PPAN: variants seen among roughly 807,000 people sequenced by gnomAD.
PPAN encodes suppressor of SWI4 1 homolog.
PPAN carries 39 observed loss-of-function variants against 48.5 expected under a neutral mutation model. That is an observed-to-expected ratio of 0.80 (90% CI 0.62 to 1.05). PPAN has a LOEUF of 1.05. PPAN is among the 50% of genes least tolerant of loss of function. The pLI is 0.00. For synonymous variants in PPAN, 315 were observed against 268.6 expected, an observed-to-expected ratio of 1.17 and a Z score of -1.69; for missense variants, 736 against 661.7, an observed-to-expected ratio of 1.11 and a Z score of -1.23.
rs193016757 is a variant in PPAN at position 10,107,417 on chromosome 19, A to G, written c.190-88A>G. The stretch of plus-strand genomic sequence containing the variant: ...TTGTTGAAAGGGTCAGATGCAAGAC[A>G]GACCATAACAGGATCTGCACCGTCA... On this transcript the variant is annotated intron_variant, in intron 2 of 11. Transcript: ENST00000253107. The G allele has an allele frequency of 2.8e-6, 4 of 1,409,168 alleles. No homozygotes were observed. In the East Asian group the frequency reaches 7.1e-5, roughly 25 times the overall value. The allele number at this position is 1,409,168 out of a possible 1,614,324, so 87.3% of individuals were successfully genotyped here.
chr19:10,110,712 G>C lies in PPAN; in HGVS notation c.1047G>C (p.Glu349Asp). Residue 349 changes from glutamate to aspartate, a missense_variant, in exon 11 of 12, where the codon GAG becomes GAC. Physicochemically the swap from Glu to Asp is conservative, Grantham distance 45. Coordinates refer to ENST00000253107, the MANE Select transcript of PPAN (RefSeq NM_020230.7). The surrounding 1 kb of genome is among the most constrained non-coding windows in gnomAD (Gnocchi z 5.9). ...CCTCCTCCAGAAAGAAGAGCCTGGA[G>C]GGCATGAAGAAGGCACGGGTCGGGG... The part of the protein sequence containing the change: ...QREAHRKKSL[E>D]GMKKARVGGS... The C allele has an allele frequency of 6.2e-7, 1 of 1,613,890 alleles. No homozygotes were observed. Among genetic ancestry groups the C allele is most frequent in the Non-Finnish European group, 8.5e-7 (1 of 1,179,974 alleles).
At position 10,111,685 on chromosome 19, in the gene PPAN, T is replaced by C. The variant is rs2089082498; in HGVS notation, c.*520T>C. 4 of 1,613,200 alleles carry C rather than the reference T, an allele frequency of 2.5e-6. No individual in the cohort carries two copies. The highest frequency in any genetic ancestry group is 1.1e-5 in the South Asian group (1 of 91,026). On this transcript the variant is annotated 3_prime_UTR_variant, in exon 12 of 12. Coordinates refer to ENST00000253107, the MANE Select transcript of PPAN (RefSeq NM_020230.7). ...GTGACTGGGGGAGGGGCTGGGGAAC[T>C]GGGTAGCAGACACAGGCTGAGGATC...
rs368424664 is a variant in PPAN at position 10,110,454 on chromosome 19, G to A, written c.902-31G>A. On this transcript the variant is annotated intron_variant, in intron 9 of 11. Coordinates refer to ENST00000253107, the MANE Select transcript of PPAN (RefSeq NM_020230.7). The surrounding 1 kb of genome is among the most constrained non-coding windows in gnomAD (Gnocchi z 5.9). ...GGGTCATGGGTGTGGAGCTGCACCC[G>A]GATCTTGGTGACCCGCGTCTCTTGG... The A allele has an allele frequency of 4.5e-5, 72 of 1,612,450 alleles. No individual in the cohort carries two copies. In the African/African-American group the frequency reaches 6.8e-4, roughly 15 times the overall value.
intron 2 of PPAN, 77 bp from the exon 3 acceptor site, chr19:10,107,428 G>T (rs1328245281): frequency 1.3e-6 from 2 of 1,492,734 alleles, no homozygotes; most frequent in Non-Finnish European, 1.8e-6. Flanking sequence ...GACCATAACA[G>T]GATCTGCACC....
Position 10,107,522 on chromosome 19 carries a change from G to C in PPAN, c.207G>C (p.Ser69=). 6.2e-7 allele frequency: 1 copy of C among 1,613,894 alleles called. No homozygotes were observed. Among genetic ancestry groups the C allele is most frequent in the African/African-American group, 1.3e-5 (1 of 75,000 alleles). ...ASRLQVRKKN[S]LKDCVAVAGP... ...ATTTCCAGGTTCGTAAGAAGAACTC[G>C]CTGAAGGACTGCGTGGCAGTGGCTG... Residue 69 remains serine (S), a synonymous_variant, in exon 3 of 12, where the codon TCG becomes TCC. Transcript: ENST00000253107.
chr19:10,106,401 C>T lies in PPAN; in HGVS notation c.7C>T (p.Gln3Ter). ...TCGTGGAGGACACAGCAGCATGGGA[C>T]AGTCAGGGAGGGTAAGGCCCGGCAG... MG[Q>*]SGRSRHQKRA... Residue 3 changes from glutamine to a stop codon, truncating the protein, a stop_gained, in exon 1 of 12, where the codon CAG becomes TAG. Transcript: ENST00000253107. LOFTEE classifies it high-confidence loss of function. The T allele has an allele frequency of 6.5e-7, 1 of 1,549,716 alleles. No individual in the cohort carries two copies. The highest frequency in any genetic ancestry group is 1.2e-5 in the South Asian group (1 of 83,932).
intron 2 of PPAN, chr19:10,106,969 T>C (rs1045996443): frequency 1.6e-6 from 1 of 636,770 alleles, no homozygotes; most frequent in Non-Finnish European, 2.9e-6. Context: ...GGAGGATCAC[T>C]TGAGCCCAGG....
chr19:10,111,261 C>G lies in PPAN; in HGVS notation c.*96C>G. ...TCCTTTCATAAAGGAGTTGTGTCCC[C>G]AGCCCTTCCACTCCAGTAAAGAACT... On this transcript the variant is annotated 3_prime_UTR_variant, in exon 12 of 12. Transcript: ENST00000253107. The G allele has an allele frequency of 7.6e-7, 1 of 1,322,276 alleles. No homozygotes were observed. 81.9% of individuals were successfully genotyped at this position (1,322,276 alleles called of 1,614,324 possible).
Position 10,110,187 on chromosome 19 carries a change from C to T in PPAN, c.763C>T (p.Gln255Ter), listed in dbSNP as rs1219875261. ...DGDHNITELPQAVAGRGNMRA... is the reference protein window; with the variant it reads ...DGDHNITELP ...CGACCACAACATCACAGAGCTGCCT[C>T]AGGCTGTCGCTGGCCGTGGCAACAT... Residue 255 changes from glutamine (Q) to a stop codon, truncating the protein, a stop_gained, in exon 8 of 12, where the codon CAG (glutamine) becomes TAG (stop). Transcript: ENST00000253107. LOFTEE classifies it high-confidence loss of function. The surrounding 1 kb of genome is among the most constrained non-coding windows in gnomAD (Gnocchi z 5.9). 1.6e-5 allele frequency: 26 copies of T among 1,610,858 alleles called. No individual in the cohort carries two copies. Among genetic ancestry groups the T allele is most frequent in the East Asian group, 2.2e-5 (1 of 44,870 alleles).
chr19:10,111,550 G>C lies in PPAN; in HGVS notation c.*385G>C, dbSNP rs2089076974. On this transcript the variant is annotated 3_prime_UTR_variant, in exon 12 of 12. Transcript: ENST00000253107. ...AGCAGATGAGCTTGAACCTCAGGAG[G>C]GTTGTGGCACAATGAGGAAGGAAAC... is the stretch of plus-strand genomic sequence containing the variant. 1.3e-6 allele frequency: 1 copy of C among 750,406 alleles called. No individual in the cohort carries two copies. The highest frequency in any genetic ancestry group is 2.2e-6 in the Non-Finnish European group (1 of 444,680). The allele number at this position is 750,406 out of a possible 1,614,324, so 46.5% of individuals were successfully genotyped here.
At position 10,108,086 on chromosome 19, in the gene PPAN, C is replaced by A. The variant is rs1162410550; in HGVS notation, c.465C>A (p.Leu155=). ...SFGPHGMHVK[L]MATMFQNLFP... is the part of the protein sequence containing the mutation. ...GCCCCCATGGTATGCATGTGAAGCTCATGGCCACCATGTTCCAGAACCTGT... is the reference window on the plus strand; with the variant it reads ...GCCCCCATGGTATGCATGTGAAGCTAATGGCCACCATGTTCCAGAACCTGT... The change falls in exon 5 of 12, where the codon CTC becomes CTA. Residue 155 remains leucine, a synonymous_variant. Transcript: ENST00000253107. The A allele has an allele frequency of 6.2e-7, 1 of 1,613,880 alleles. No homozygotes were observed. The highest frequency in any genetic ancestry group is 1.1e-5 in the South Asian group (1 of 91,052).
rs773649266 is a variant in PPAN, at chr19:10,111,175, G to T, written c.*10G>T. 1.1e-5 allele frequency: 17 copies of T among 1,556,300 alleles called. No individual in the cohort carries two copies. In the East Asian group the frequency reaches 2.6e-4, roughly 24 times the overall value. ...GAAGAGAGTGGCCTGAGCCCAAGCC[G>T]CACCGGAGCAGCGGCTGGATTGAAC... On this transcript the variant is annotated 3_prime_UTR_variant, in exon 12 of 12. Transcript: ENST00000253107.
Position 10,111,622 on chromosome 19 carries a change from C to CTGGGGA in PPAN, c.*463_*468dup, listed in dbSNP as rs1599315452. ...CCTGCTCTGCTGGCTGGGCCAGTAA[C>CTGGGGA]TGGGGATGGGGCTGGGGCAGGGCCC... On this transcript the variant is annotated 3_prime_UTR_variant, in exon 12 of 12. Transcript: ENST00000253107. 2.0e-6 allele frequency: 3 copies of CTGGGGA among 1,494,636 alleles called. No homozygotes were observed. Among genetic ancestry groups the CTGGGGA allele is most frequent in the Admixed American group, 1.7e-5 (1 of 58,674 alleles). 92.6% of individuals were successfully genotyped at this position (1,494,636 alleles called of 1,614,324 possible). A position where few individuals can be genotyped will look rare whatever the true frequency, so the allele number is the denominator to read the frequency against.
In PPAN at chr19:10,111,068, AG is replaced by A; in HGVS notation, c.1326del (p.Lys442AsnfsTer71). On this transcript the variant is annotated frameshift_variant, in exon 12 of 12. Transcript: ENST00000253107. LOFTEE classifies it low-confidence loss of function (END_TRUNC). ...CAGAAGTTTCCCAAGACCAAGGACA[AG>A]TCCCAGGGAGCCCAGGCCAGGCGGG... ...CDQKFPKTKD[K>X]SQGAQARRGP... 1 of 1,613,466 alleles carries A rather than the reference AG, an allele frequency of 6.2e-7. No homozygotes were observed. Among genetic ancestry groups the A allele is most frequent in the South Asian group, 1.1e-5 (1 of 91,076 alleles).
chr19:10,111,137 G>C lies in PPAN; in HGVS notation c.1394G>C (p.Arg465Pro). 1 of 1,603,668 alleles carries C rather than the reference G, an allele frequency of 6.2e-7. No homozygotes were observed. The highest frequency in any genetic ancestry group is 8.5e-7 in the Non-Finnish European group (1 of 1,176,146). Residue 465 changes from arginine to proline, a missense_variant, in exon 12 of 12, where the codon CGG becomes CCG. Physicochemically the swap from Arg to Pro is moderately radical, Grantham distance 103 (BLOSUM62 -2). Coordinates refer to ENST00000253107, the MANE Select transcript of PPAN (RefSeq NM_020230.7). ...CGGGATGGTGGGCGAGGCCGGGGCCGGGGCCGCCCAGGGAAGAGAGTGGCC... is the reference window on the plus strand; with the variant it reads ...CGGGATGGTGGGCGAGGCCGGGGCCCGGGCCGCCCAGGGAAGAGAGTGGCC... ...ASRDGGRGRG[R>P]GRPGKRVA
At chr19:10,106,304 T>A, upstream of PPAN, 4 of 1,539,486 alleles carry the variant, frequency 2.6e-6, no homozygotes, top group South Asian at 3.6e-5. Context: ...CCTGATGTCG[T>A]CCCACGCCGT....
intron 2 of PPAN, 67 bp from the exon 3 acceptor site, chr19:10,107,438 C>T (rs1280630376): frequency 7.8e-6 from 12 of 1,541,208 alleles, no homozygotes; most frequent in Middle Eastern, 1.7e-4. Context: ...GGATCTGCAC[C>T]GTCAGCTTAT....
chr19:10,110,919 G>A lies in PPAN; in HGVS notation c.1202-26G>A. On this transcript the variant is annotated intron_variant, in intron 11 of 11. Coordinates refer to ENST00000253107, the MANE Select transcript of PPAN (RefSeq NM_020230.7). This position sits in a 1 kb window ranked among gnomAD's most constrained non-coding sequence, Gnocchi z 5.9. Reference sequence around the variant, plus strand: ...CCCAGAGCCTGTCCTTGTCTCTGGGGGCCCTGACACTGTCTCTCCCCACAG... The same window carrying A: ...CCCAGAGCCTGTCCTTGTCTCTGGGAGCCCTGACACTGTCTCTCCCCACAG... The A allele has an allele frequency of 6.2e-7, 1 of 1,613,250 alleles. No individual in the cohort carries two copies. Among genetic ancestry groups the A allele is most frequent in the Non-Finnish European group, 8.5e-7 (1 of 1,179,848 alleles).
At position 10,106,506 on chromosome 19, in the gene PPAN, G is replaced by T. The variant is rs953907519; in HGVS notation, c.24G>T (p.Arg8=). Reference sequence around the variant, plus strand: ...TTTGTCTCTCGTCGCCGCAGTCCCGGCACCAGAAGCGCGCCCGCGCCCAGG... The same window carrying T: ...TTTGTCTCTCGTCGCCGCAGTCCCGTCACCAGAAGCGCGCCCGCGCCCAGG... MGQSGRS[R]HQKRARAQAQ... The change falls in exon 2 of 12, where the codon CGG becomes CGT. Residue 8 remains arginine (R), a synonymous_variant. Coordinates refer to ENST00000253107, the MANE Select transcript of PPAN (RefSeq NM_020230.7). 43 of 1,551,054 alleles carry T rather than the reference G, an allele frequency of 2.8e-5. No individual in the cohort carries two copies. The highest frequency in any genetic ancestry group is 3.3e-5 in the Non-Finnish European group (38 of 1,147,152).
Sources: allele counts gnomAD v4.1 joint callset, GRCh38; gene constraint gnomAD v4.1.1; non-coding constraint Gnocchi (gnomAD v3.1); transcripts MANE v1.5; gene names NCBI Gene and HGNC (gene_info 2026-07-23, HGNC 2026-07-21).